LYRM4: variants seen among roughly 807,000 people sequenced by gnomAD.
LYRM4 encodes LYR motif-containing protein 4.
LYRM4 carries 9 observed loss-of-function variants against 11.7 expected under a neutral mutation model. The ratio of observed to expected loss-of-function variants is 0.77; its 90% CI spans 0.46 to 1.34. The LOEUF (loss-of-function observed/expected upper bound fraction) is 1.34. LYRM4 is among the 40% of genes most tolerant of loss of function. The probability of loss-of-function intolerance (pLI) is 0.00; values close to 1 mark genes in which losing one functional copy is unlikely to be tolerated. For synonymous variants in LYRM4, 42 were observed against 40.4 expected, an observed-to-expected ratio of 1.04 and a Z score of -0.15; for missense variants, 133 against 112.5, an observed-to-expected ratio of 1.18 and a Z score of -0.82.
At chr6:5,167,429 G>GT (rs1356248792) in intron 2 of LYRM4, among the ~76,000 whole-genome samples, 1 of 152,046 alleles carries the variant, frequency 6.6e-6, no homozygotes, top group Non-Finnish European at 1.5e-5. Context: ...ATTAATTCCT[G>GT]TAACACTAAT....
rs777305147 is a variant in LYRM4, at chr6:5,142,940, G to A, written c.208-33449C>T. 1.1e-3 allele frequency among the ~76,000 whole-genome samples: 164 copies of A among 152,222 alleles called. 3 individuals are homozygous for A. The highest frequency in any genetic ancestry group is 8.4e-4 in the Non-Finnish European group (57 of 68,046). On this transcript the variant is annotated intron_variant, in intron 2 of 2. Transcript: ENST00000330636. ...CAGATGTCTCCCAGGAGGCCGCATC[G>A]CGGGCCGGTCCCCTGTGTTTTCAGT...
At chr6:5,097,503 C>T in the LYRM4 span, among the ~76,000 whole-genome samples, 4 of 152,152 alleles carry the variant, frequency 2.6e-5, no homozygotes, top group Non-Finnish European at 4.4e-5. Flanking sequence ...CATGAGCCAC[C>T]GCACCTGGAT....
chr6:5,035,253 G>C, the LYRM4 span, among the ~76,000 whole-genome samples: 1 of 151,970 alleles, frequency 6.6e-6, no homozygotes, highest in Non-Finnish European at 1.5e-5. Context: ...ACCCTGGGGG[G>C]TCCAGTCCCA....
At chr6:5,240,613 C>A (rs1183369329) in intron 1 of LYRM4, 2 of 152,206 alleles carry the variant, frequency 1.3e-5, no homozygotes, top group Non-Finnish European at 2.9e-5. Context: ...GCAAAGTACT[C>A]AGGGGCTTCC....
intron 1 of LYRM4, among the ~76,000 whole-genome samples, chr6:5,229,524 C>T (rs1763107981): frequency 6.6e-6 from 1 of 152,188 alleles, no homozygotes; most frequent in Admixed American, 6.5e-5. Context: ...TGCAGAATTT[C>T]TTCCTCCACA....
chr6:5,123,715 G>A (rs1763570045), intron 2 of LYRM4, among the ~76,000 whole-genome samples: 2 of 152,242 alleles, frequency 1.3e-5, no homozygotes, highest in South Asian at 4.1e-4. Context: ...TCCATTCTGA[G>A]GGGCCCATGC....
At position 5,188,378 on chromosome 6, in the gene LYRM4, AAAAG is replaced by A. The variant is rs150259999; in HGVS notation, c.207+28236_207+28239del. Among the ~76,000 whole-genome samples the A allele has an allele frequency of 7.9e-3, 1,210 of 152,272 alleles. 15 individuals carry two copies. Among genetic ancestry groups the A allele is most frequent in the African/African-American group, 0.027 (1,112 of 41,524 alleles). ...CAAGACTCACTCTCAAAAGAAAAAA[AAAAG>A]AGAGAGAATGCATTATTTTGATTAA... On this transcript the variant is annotated intron_variant, in intron 2 of 2. Coordinates refer to ENST00000330636, the MANE Select transcript of LYRM4 (RefSeq NM_020408.6).
chr6:5,086,192 C>T, the LYRM4 span: 3 of 1,534,070 alleles, frequency 2.0e-6, no homozygotes, highest in East Asian at 2.4e-5. Context: ...GTGAAGGGCT[C>T]CGGCCGGGTG....
chr6:5,235,533 A>G (rs572245463), intron 1 of LYRM4, among the ~76,000 whole-genome samples: 3 of 152,232 alleles, frequency 2.0e-5, no homozygotes, highest in African/African-American at 7.2e-5. Context: ...TCTTTTCTTC[A>G]TTATTCATTT....
At chr6:5,070,869 G>GAAAAAAAAAAAAAAAAAAAAAAA in the LYRM4 span, among the ~76,000 whole-genome samples, 1 of 48,096 alleles carries the variant, frequency 2.1e-5, no homozygotes. Context: ...ACCCTGTCTT[G>GAAAAAAAAAAAAAAAAAAAAAAA]AAAAAAAAAA....
In LYRM4 at chr6:5,224,927, T is replaced by A. The variant is rs140732121; in HGVS notation, c.87-8189A>T. ...ATGAGCCGAGATTGCGCCACTGCAC[T>A]CCAGCCTGGCTAACAAGAGTGAAAC... On this transcript the variant is annotated intron_variant, in intron 1 of 2. Coordinates refer to ENST00000330636, the MANE Select transcript of LYRM4 (RefSeq NM_020408.6). Among the ~76,000 whole-genome samples the A allele has an allele frequency of 6.4e-4, 97 of 151,338 alleles. 5 individuals are homozygous for A. In the East Asian group the frequency reaches 0.019, roughly 30 times the overall value.
At chr6:5,040,348 GATAGATACATAC>G in the LYRM4 span, among the ~76,000 whole-genome samples, 58 of 138,134 alleles carry the variant, frequency 4.2e-4, no homozygotes, top group African/African-American at 1.3e-3. Context: ...TAGATAGATA[GATAGATACATAC>G]ATACATACAT....
At chr6:5,183,502 A>G (rs1760200082) in intron 2 of LYRM4, among the ~76,000 whole-genome samples, 1 of 152,236 alleles carries the variant, frequency 6.6e-6, no homozygotes, top group African/African-American at 2.4e-5. Flanking sequence ...TTCAAAAGGA[A>G]TGAACTTGCA....
chr6:5,205,533 T>A (rs1047406768), intron 2 of LYRM4, among the ~76,000 whole-genome samples: 2 of 150,286 alleles, frequency 1.3e-5, no homozygotes, highest in Non-Finnish European at 2.9e-5. Context: ...ATGGTCAATG[T>A]CTTATAAAAA....
chr6:5,204,434 G>A (rs779258061), intron 2 of LYRM4, among the ~76,000 whole-genome samples: 7 of 152,066 alleles, frequency 4.6e-5, no homozygotes, highest in Non-Finnish European at 7.4e-5. Context: ...AAGCAGAATC[G>A]AAGGACCCCA....
At chr6:5,096,825 T>C in the LYRM4 span, among the ~76,000 whole-genome samples, 1 of 152,214 alleles carries the variant, frequency 6.6e-6, no homozygotes, top group Non-Finnish European at 1.5e-5. Context: ...TCTGCCAGTT[T>C]GGTTTTTGCT....
At chr6:5,088,496 T>C in the LYRM4 span, 7 of 152,352 alleles carry the variant, frequency 4.6e-5, no homozygotes, top group Admixed American at 1.3e-4. Context: ...AATCAGGTTT[T>C]ACTGGAACAC....
intron 1 of LYRM4, among the ~76,000 whole-genome samples, chr6:5,219,728 T>C (rs1245033982): frequency 6.6e-6 from 1 of 152,074 alleles, no homozygotes; most frequent in Non-Finnish European, 1.5e-5. Flanking sequence ...CTTTTTTCTT[T>C]GCTTTTCTTT....
chr6:5,166,938 T>C (rs1407612038), intron 2 of LYRM4, among the ~76,000 whole-genome samples: 3 of 152,202 alleles, frequency 2.0e-5, no homozygotes, highest in African/African-American at 7.2e-5. Flanking sequence ...CAAATCAGTC[T>C]TGAACTCCTG....
Sources: allele counts gnomAD v4.1 joint callset (sites outside exome capture counted in the v4.1 genomes callset), GRCh38; gene constraint gnomAD v4.1.1; transcripts MANE v1.5; gene names NCBI Gene and HGNC (gene_info 2026-07-23, HGNC 2026-07-21).